Variants in PPM1L observed in about 807,000 individuals in gnomAD.
PPM1L encodes the protein protein phosphatase, Mg2+/Mn2+ dependent 1L.
In PPM1L, 13 loss-of-function variants were observed where a neutral mutation model predicts 31.4. The observed-to-expected ratio is 0.41, with a 90% CI of 0.27 to 0.66. The LOEUF (loss-of-function observed/expected upper bound fraction) is 0.66, where lower values mean the gene tolerates loss of function less well. Ranked by LOEUF, PPM1L falls within the 30% of genes least tolerant of loss-of-function variation. The pLI is 0.29. For synonymous variants in PPM1L, 184 were observed against 175.4 expected, an observed-to-expected ratio of 1.05 and a Z score of -0.39; for missense variants, 326 against 453.7, an observed-to-expected ratio of 0.72 and a Z score of 2.56.
At chr3:160,763,577 A>T (rs1189609512) in intron 1 of PPM1L, among the ~76,000 whole-genome samples, 2 of 152,178 alleles carry the variant, frequency 1.3e-5, no homozygotes, top group African/African-American at 2.4e-5. Flanking sequence ...CACACAGGTG[A>T]GGAGAGTGGG....
At chr3:160,829,657 A>T (rs1384934450) in intron 1 of PPM1L, among the ~76,000 whole-genome samples, 1 of 152,032 alleles carries the variant, frequency 6.6e-6, no homozygotes, top group African/African-American at 2.4e-5. Context: ...CTCCCTTCTC[A>T]TCCTGCAGGT....
intron 1 of PPM1L, among the ~76,000 whole-genome samples, chr3:160,816,772 C>G (rs558312181): frequency 6.1e-4 from 93 of 152,102 alleles, no homozygotes; most frequent in African/African-American, 2.1e-3. Flanking sequence ...AGTGAGGCCC[C>G]CATCATAAGA....
intron 2 of PPM1L, among the ~76,000 whole-genome samples, chr3:160,977,939 A>G (rs184711498): frequency 6.6e-6 from 1 of 152,174 alleles, no homozygotes; most frequent in Non-Finnish European, 1.5e-5. Flanking sequence ...CTTCCTGTGT[A>G]TGGGACATTG....
rs553983028 is a variant in PPM1L at position 160,985,419 on chromosome 3, C to T, written c.574+23509C>T. On this transcript the variant is annotated intron_variant, in intron 2 of 3. Coordinates refer to ENST00000498165, the MANE Select transcript of PPM1L (RefSeq NM_139245.4). Reference sequence around the variant, plus strand: ...AAAGTAGATGAAAGGACCTCATTAACATGTGGTTGGACCAATCAGGCATGT... The same window carrying T: ...AAAGTAGATGAAAGGACCTCATTAATATGTGGTTGGACCAATCAGGCATGT... 7.9e-5 allele frequency among the ~76,000 whole-genome samples: 12 copies of T among 152,318 alleles called. No homozygotes were observed. In the South Asian group the frequency reaches 2.5e-3, roughly 32 times the overall value.
chr3:160,991,349 A>T (rs978412210), intron 2 of PPM1L, among the ~76,000 whole-genome samples: 1 of 152,144 alleles, frequency 6.6e-6, no homozygotes, highest in Non-Finnish European at 1.5e-5. Flanking sequence ...TTAAGACCCC[A>T]GGGTATTCTC....
chr3:160,835,553 A>G (rs181836219), intron 1 of PPM1L, among the ~76,000 whole-genome samples: 1 of 151,838 alleles, frequency 6.6e-6, no homozygotes, highest in Non-Finnish European at 1.5e-5. Context: ...TCTCTAAGAT[A>G]CTCCACCATC....
intron 1 of PPM1L, among the ~76,000 whole-genome samples, chr3:160,944,853 TATATTATATATAATGTTATATATAAC>T (rs1559897149): frequency 4.8e-5 from 2 of 41,446 alleles, no homozygotes; most frequent in African/African-American, 1.4e-4. Context: ...ATATATAACA[TATATTATATATAATGTTATATATAAC>T]ATATATATTA....
rs564530659 is a variant in PPM1L at position 161,047,235 on chromosome 3, A to G, written c.575-18168A>G. Among the ~76,000 whole-genome samples, 38 of 152,362 alleles carry G rather than the reference A, an allele frequency of 2.5e-4. 1 individual carries two copies. The highest frequency in any genetic ancestry group is 8.4e-4 in the African/African-American group (35 of 41,590). On this transcript the variant is annotated intron_variant, in intron 2 of 3. Transcript: ENST00000498165. ...TCTCCTTAAGCTCATAGGCAACTTC[A>G]GCAAAGTCTCAGTATACAAAATCAA...
intron 1 of PPM1L, among the ~76,000 whole-genome samples, chr3:160,898,718 TGAA>T (rs1713431151): frequency 6.6e-6 from 1 of 152,204 alleles, no homozygotes; most frequent in South Asian, 2.1e-4. Context: ...CAGACATTCA[TGAA>T]GACCTATCAC....
chr3:160,934,861 G>C (rs1248439206), intron 1 of PPM1L, among the ~76,000 whole-genome samples: 1 of 152,038 alleles, frequency 6.6e-6, no homozygotes, highest in Non-Finnish European at 1.5e-5. Context: ...GCTGAGGCAG[G>C]AGGACCACTT....
At chr3:160,784,697 AC>A (rs1195489414) in intron 1 of PPM1L, among the ~76,000 whole-genome samples, 1 of 152,146 alleles carries the variant, frequency 6.6e-6, no homozygotes, top group Non-Finnish European at 1.5e-5. Context: ...TCAAAGACAA[AC>A]CCATTTCCTA....
At chr3:160,970,661 G>C (rs1335133547) in intron 2 of PPM1L, among the ~76,000 whole-genome samples, 1 of 151,556 alleles carries the variant, frequency 6.6e-6, no homozygotes. Context: ...GTTTCACCAT[G>C]TTTGCCAGTT....
At chr3:160,985,696 T>C (rs1204190097) in intron 2 of PPM1L, among the ~76,000 whole-genome samples, 2 of 152,194 alleles carry the variant, frequency 1.3e-5, no homozygotes, top group African/African-American at 4.8e-5. Context: ...AGATGTCTTA[T>C]GTATCTTTAT....
In PPM1L at chr3:160,865,497, C is replaced by T. The variant is rs1217772368; in HGVS notation, c.400-96239C>T. ...TCTGCTTAAAAAAAAATTAGTTGGCCGTGCGTGGTGGCTCACACCTGTAAT... is the reference window on the plus strand; with the variant it reads ...TCTGCTTAAAAAAAAATTAGTTGGCTGTGCGTGGTGGCTCACACCTGTAAT... On this transcript the variant is annotated intron_variant, in intron 1 of 3. Transcript: ENST00000498165. 3.9e-5 allele frequency among the ~76,000 whole-genome samples: 6 copies of T among 152,150 alleles called. 1 individual carries two copies. The Middle Eastern group carries it at 0.01, about 259-fold the overall frequency.
At chr3:161,007,275 G>C (rs1481008272) in intron 2 of PPM1L, among the ~76,000 whole-genome samples, 1 of 152,210 alleles carries the variant, frequency 6.6e-6, no homozygotes, top group Non-Finnish European at 1.5e-5. Context: ...GGTTACTATT[G>C]TGCACAGTGC....
chr3:161,060,122 A>G (rs1345573422), intron 2 of PPM1L, among the ~76,000 whole-genome samples: 1 of 152,196 alleles, frequency 6.6e-6, no homozygotes, highest in African/African-American at 2.4e-5. Flanking sequence ...AATAAGCAAG[A>G]TATCTACATA....
At chr3:161,060,873 G>A (rs1719552097) in intron 2 of PPM1L, among the ~76,000 whole-genome samples, 1 of 151,980 alleles carries the variant, frequency 6.6e-6, no homozygotes, top group South Asian at 2.1e-4. Flanking sequence ...TCAGAATTAA[G>A]TAACATTGTC....
chr3:160,761,761 A>C (rs1714974532), intron 1 of PPM1L, among the ~76,000 whole-genome samples: 1 of 152,218 alleles, frequency 6.6e-6, no homozygotes, highest in African/African-American at 2.4e-5. Flanking sequence ...TTATAGTTCC[A>C]CGTGGCTGGG....
chr3:161,023,744 G>A (rs1718301228), intron 2 of PPM1L, among the ~76,000 whole-genome samples: 1 of 152,020 alleles, frequency 6.6e-6, no homozygotes, highest in Non-Finnish European at 1.5e-5. Flanking sequence ...GCTTACTTGG[G>A]GGTAGTTTCT....
Sources: gnomAD v4.1 joint callset for allele counts (sites outside exome capture counted in the v4.1 genomes callset) on GRCh38, gnomAD v4.1.1 for gene constraint, MANE v1.5 for transcripts, NCBI Gene and HGNC (gene_info 2026-07-23, HGNC 2026-07-21) for gene names.